ZNF646: variants seen among roughly 807,000 people sequenced by gnomAD.
The protein encoded by ZNF646 is zinc finger protein 646.
In ZNF646, 49 loss-of-function variants were observed where a neutral mutation model predicts 115.4. That is an observed-to-expected ratio of 0.42 (90% confidence interval 0.34 to 0.54). The LOEUF (loss-of-function observed/expected upper bound fraction) is 0.54, where lower values mean the gene tolerates loss of function less well. ZNF646 is among the 20% of genes least tolerant of loss of function. The pLI is 0.04. For synonymous variants in ZNF646, 933 were observed against 939.0 expected, an observed-to-expected ratio of 0.99 and a Z score of 0.12; for missense variants, 2,269 against 2,457.9, an observed-to-expected ratio of 0.92 and a Z score of 1.62.
Position 31,080,455 on chromosome 16 carries a change from A to G in ZNF646, c.4131A>G (p.Gly1377=), listed in dbSNP as rs752110233. The G allele has an allele frequency of 3.1e-6, 5 of 1,613,160 alleles. No individual in the cohort carries two copies. The highest frequency in any genetic ancestry group is 1.3e-5 in the African/African-American group (1 of 74,910). The part of the protein sequence containing the change: ...ALCGRSFPGR[G]SLERHLREHE... ...GTGGCCGCAGCTTCCCTGGCCGGGG[A>G]TCTTTGGAGCGGCACCTGCGGGAGC... The change falls in exon 2 of 3, where the codon GGA becomes GGG. Residue 1377 remains glycine (G), a synonymous_variant. Transcript: ENST00000300850.
rs139437413 is a variant in ZNF646, at chr16:31,076,398, G to A, written c.74G>A (p.Arg25Gln). Residue 25 changes from arginine to glutamine, a missense_variant, in exon 2 of 3, where the codon CGG becomes CAG. Arg to Gln is a conservative substitution (Grantham distance 43, BLOSUM62 1). This residue lies in a region of ZNF646 where 334 missense variants were observed against 323.5 expected (regional missense o/e 1.03). Coordinates refer to ENST00000300850, the MANE Select transcript of ZNF646 (RefSeq NM_014699.4). Reference protein sequence around the residue: ...RHFPSLPELSRHRELLHPSPN... With the variant: ...RHFPSLPELSQHRELLHPSPN... The stretch of plus-strand genomic sequence containing the variant: ...TTTCCCAGCCTCCCAGAGCTCTCTC[G>A]GCACCGAGAACTGCTCCATCCATCT... 1.2e-6 allele frequency: 2 copies of A among 1,613,868 alleles called. No homozygotes were observed. Among genetic ancestry groups the A allele is most frequent in the Admixed American group, 1.7e-5 (1 of 59,990 alleles).
rs552000135 is a variant in ZNF646 at position 31,074,508 on chromosome 16, C to T, written c.-203C>T. 1.0e-3 allele frequency: 158 copies of T among 152,604 alleles called. No homozygotes were observed. The highest frequency in any genetic ancestry group is 3.7e-3 in the African/African-American group (152 of 41,580). 9.5% of individuals were successfully genotyped at this position (152,604 alleles called of 1,614,324 possible). On this transcript the variant is annotated 5_prime_UTR_variant, in exon 1 of 3. Coordinates refer to ENST00000300850, the MANE Select transcript of ZNF646 (RefSeq NM_014699.4). ...CTCTTTTCTCTACCTCCTTCCTCTT[C>T]CCCCCTTCTCCTTTCCCTCTTTCCC...
chr16:31,079,683 G>T lies in ZNF646; in HGVS notation c.3359G>T (p.Ser1120Ile). The change falls in exon 2 of 3, where the codon AGC becomes ATC. Residue 1120 changes from serine to isoleucine, a missense_variant. Physicochemically the swap from Ser to Ile is moderately radical, Grantham distance 142 (BLOSUM62 -2). Coordinates refer to ENST00000300850, the MANE Select transcript of ZNF646 (RefSeq NM_014699.4). This position sits in a 1 kb window ranked among gnomAD's most constrained non-coding sequence, Gnocchi z 5.5. ...QVGPIPEAAG[S>I]SELQVGPIPE... ...GGGCCCATCCCAGAGGCAGCAGGTA[G>T]CAGTGAGCTGCAGGTTGGGCCCATC... is the stretch of plus-strand genomic sequence containing the variant. The T allele has an allele frequency of 6.2e-7, 1 of 1,613,532 alleles. No individual in the cohort carries two copies.
chr16:31,077,450 T>C lies in ZNF646; in HGVS notation c.1126T>C (p.Cys376Arg). Residue 376 changes from cysteine (C) to arginine (R), a missense_variant, in exon 2 of 3, where the codon TGT becomes CGT. Cys to Arg is a radical substitution (Grantham distance 180, BLOSUM62 -3). This residue lies in a region of ZNF646 where 852 missense variants were observed against 900.2 expected (regional missense o/e 0.95). Coordinates refer to ENST00000300850, the MANE Select transcript of ZNF646 (RefSeq NM_014699.4). The part of the protein sequence containing the change: ...SGLEEYRPFR[C>R]GDCGRTYRHA... Reference sequence around the variant, plus strand: ...CCTGGAGGAATACCGGCCTTTCCGCTGTGGGGACTGTGGCCGTACTTACCG... The same window carrying C: ...CCTGGAGGAATACCGGCCTTTCCGCCGTGGGGACTGTGGCCGTACTTACCG... 1 of 1,613,158 alleles carries C rather than the reference T, an allele frequency of 6.2e-7. No homozygotes were observed. Among genetic ancestry groups the C allele is most frequent in the Non-Finnish European group, 8.5e-7 (1 of 1,179,936 alleles).
Position 31,078,969 on chromosome 16 carries a change from T to G in ZNF646, c.2645T>G (p.Leu882Arg). 2 of 1,608,404 alleles carry G rather than the reference T, an allele frequency of 1.2e-6. No individual in the cohort carries two copies. The highest frequency in any genetic ancestry group is 1.7e-6 in the Non-Finnish European group (2 of 1,176,978). Residue 882 changes from leucine (L) to arginine (R), a missense_variant, in exon 2 of 3, where the codon CTC (leucine) becomes CGC (arginine). By Grantham distance (102) the Leu-to-Arg change is moderately radical (BLOSUM62 -2). This residue lies in a region of ZNF646 where 852 missense variants were observed against 900.2 expected (regional missense o/e 0.95). Coordinates refer to ENST00000300850, the MANE Select transcript of ZNF646 (RefSeq NM_014699.4). ...GAGGCGACCTCAGCACAGCCTTTCC[T>G]CTGCTGCCTCTGTGGCATGATCTTC... The part of the protein sequence containing the change: ...PGEATSAQPF[L>R]CCLCGMIFPG...
At position 31,080,608 on chromosome 16, in the gene ZNF646, C is replaced by T; in HGVS notation, c.4284C>T (p.His1428=). The T allele has an allele frequency of 6.2e-7, 1 of 1,614,186 alleles. No individual in the cohort carries two copies. Among genetic ancestry groups the T allele is most frequent in the South Asian group, 1.1e-5 (1 of 91,086 alleles). Residue 1428 remains histidine (H), a synonymous_variant, in exon 2 of 3, where the codon CAC becomes CAT. Coordinates refer to ENST00000300850, the MANE Select transcript of ZNF646 (RefSeq NM_014699.4). The part of the protein sequence containing the change: ...TQLGGAEPVP[H]LEDGVPRPGE... ...TGGGTGGTGCTGAGCCAGTACCCCA[C>T]TTGGAGGATGGAGTCCCAAGGCCAG...
In ZNF646 at chr16:31,083,859, T is replaced by TGCCCC; in HGVS notation, c.*767_*768insGCCCC. 1 of 1,590,054 alleles carries TGCCCC rather than the reference T, an allele frequency of 6.3e-7. No individual in the cohort carries two copies. Among genetic ancestry groups the TGCCCC allele is most frequent in the African/African-American group, 1.3e-5 (1 of 74,324 alleles). ...GTTGTCCTCATCCTCACGGCTTTGG[T>TGCCCC]CCCTCCCTCCCTCCCCATTCCTCGA... On this transcript the variant is annotated 3_prime_UTR_variant, in exon 3 of 3. Transcript: ENST00000300850.
chr16:31,079,725 A>G lies in ZNF646; in HGVS notation c.3401A>G (p.Asn1134Ser). 6.2e-7 allele frequency: 1 copy of G among 1,613,664 alleles called. No homozygotes were observed. The highest frequency in any genetic ancestry group is 2.2e-5 in the East Asian group (1 of 44,854). ...QVGPIPEGGSNKPQHMAEEGP... is the reference protein window; with the variant it reads ...QVGPIPEGGSSKPQHMAEEGP... ...GGGCCCATCCCAGAAGGAGGCAGCA[A>G]CAAGCCCCAGCACATGGCAGAGGAG... Residue 1134 changes from asparagine to serine, a missense_variant, in exon 2 of 3, where the codon AAC (asparagine) becomes AGC (serine). Physicochemically the swap from Asn to Ser is conservative, Grantham distance 46. Around this residue, in one of 5 missense-constraint regions of ZNF646, gnomAD observed 1,062 missense variants for 1,172.8 expected, o/e 0.91. Transcript: ENST00000300850. This position sits in a 1 kb window ranked among gnomAD's most constrained non-coding sequence, Gnocchi z 5.5.
chr16:31,073,446 C>A (rs1244364245), upstream of ZNF646: 2 of 152,214 alleles, frequency 1.3e-5, no homozygotes, highest in Admixed American at 1.3e-4. Context: ...CCTGGGTGTC[C>A]GCAGCCCAGA....
rs755979778 is a variant in ZNF646, at chr16:31,078,416, G to C, written c.2092G>C (p.Glu698Gln). The C allele has an allele frequency of 6.2e-7, 1 of 1,608,572 alleles. No homozygotes were observed. Among genetic ancestry groups the C allele is most frequent in the South Asian group, 1.1e-5 (1 of 90,562 alleles). Residue 698 changes from glutamate to glutamine, a missense_variant, in exon 2 of 3, where the codon GAG becomes CAG. Glu to Gln is a conservative substitution (Grantham distance 29). Coordinates refer to ENST00000300850, the MANE Select transcript of ZNF646 (RefSeq NM_014699.4). ...KLLAAESWTR[E>Q]LEDNEGLESP... ...CCTGGCAGCGGAGAGCTGGACCCGG[G>C]AGCTAGAAGACAATGAAGGCCTGGA...
rs2057121454 is a variant in ZNF646, at chr16:31,079,191, A to G, written c.2867A>G (p.Tyr956Cys). The change falls in exon 2 of 3, where the codon TAT (tyrosine) becomes TGT (cysteine). Residue 956 changes from tyrosine to cysteine, a missense_variant. By Grantham distance (194) the Tyr-to-Cys change is radical. This residue lies in a region of ZNF646 where 2 missense variants were observed against 16.5 expected (regional missense o/e 0.12). Transcript: ENST00000300850. The surrounding 1 kb of genome is among the most constrained non-coding windows in gnomAD (Gnocchi z 5.5). ...REVEALDSAG[Y>C]GHICGCCGQT... ...GTGGAAGCGCTGGACAGTGCAGGGTATGGGCACATCTGTGGCTGCTGTGGT... is the reference window on the plus strand; with the variant it reads ...GTGGAAGCGCTGGACAGTGCAGGGTGTGGGCACATCTGTGGCTGCTGTGGT... The G allele has an allele frequency of 6.2e-7, 1 of 1,613,566 alleles. No homozygotes were observed.
chr16:31,081,107 G>T lies in ZNF646; in HGVS notation c.4783G>T (p.Glu1595Ter), dbSNP rs2057152416. ...CTGTCCTGACTGTGGCAAAGCCTTT[G>T]AGTCCCACCAGGAACTGGCCAGCCA... is the stretch of plus-strand genomic sequence containing the variant. ...FACPDCGKAF[E>*]SHQELASHLQ... is the part of the protein sequence containing the mutation. Residue 1595 changes from glutamate to a stop codon, truncating the protein, a stop_gained, in exon 2 of 3, where the codon GAG (glutamate) becomes TAG (stop). Transcript: ENST00000300850. LOFTEE classifies it high-confidence loss of function. The T allele has an allele frequency of 6.2e-7, 1 of 1,612,518 alleles. No homozygotes were observed. The highest frequency in any genetic ancestry group is 1.7e-5 in the Admixed American group (1 of 59,928).
rs2057197067 is a variant in ZNF646, at chr16:31,083,867, T to TCCCC, written c.*778_*779insCCCC. On this transcript the variant is annotated 3_prime_UTR_variant, in exon 3 of 3. Transcript: ENST00000300850. Reference sequence around the variant, plus strand: ...CATCCTCACGGCTTTGGTCCCTCCCTCCCTCCCCATTCCTCGAAGGAACAG... The same window carrying TCCCC: ...CATCCTCACGGCTTTGGTCCCTCCCTCCCCCCCTCCCCATTCCTCGAAGGAACAG... The TCCCC allele has an allele frequency of 7.6e-7, 1 of 1,323,428 alleles. No individual in the cohort carries two copies. The highest frequency in any genetic ancestry group is 1.4e-5 in the African/African-American group (1 of 70,798). The allele number at this position is 1,323,428 out of a possible 1,614,324, so 82.0% of individuals were successfully genotyped here.
In ZNF646 at chr16:31,083,140, G is replaced by A. The variant is rs760734060; in HGVS notation, c.*48G>A. 1 of 1,578,206 alleles carries A rather than the reference G, an allele frequency of 6.3e-7. No homozygotes were observed. Among genetic ancestry groups the A allele is most frequent in the Non-Finnish European group, 8.6e-7 (1 of 1,166,382 alleles). ...AATCTGGGGGAGGGAGCGCGTGCAGGGAGGGGCTTGATCTCCACATTTTCT... is the reference window on the plus strand; with the variant it reads ...AATCTGGGGGAGGGAGCGCGTGCAGAGAGGGGCTTGATCTCCACATTTTCT... On this transcript the variant is annotated 3_prime_UTR_variant, in exon 3 of 3. Transcript: ENST00000300850.
Position 31,078,161 on chromosome 16 carries a change from C to CTAGG in ZNF646, c.1837_1838insTAGG (p.Pro613LeufsTer4). On this transcript the variant is annotated frameshift_variant, in exon 2 of 3. Transcript: ENST00000300850. LOFTEE classifies it high-confidence loss of function. Reference sequence around the variant, plus strand: ...TAGCAGAACAGAGACCACAATGTCACCTCCTAGGGCCTTTGCCTGCCGAGA... The same window carrying CTAGG: ...TAGCAGAACAGAGACCACAATGTCACTAGGCTCCTAGGGCCTTTGCCTGCCGAGA... 6.2e-7 allele frequency: 1 copy of CTAGG among 1,614,056 alleles called. No homozygotes were observed.
At chr16:31,073,450 G>A (rs576364458), upstream of ZNF646, 14 of 152,310 alleles carry the variant, frequency 9.2e-5, no homozygotes, top group East Asian at 2.7e-3. Context: ...GGTGTCCGCA[G>A]CCCAGAACCG....
In ZNF646 at chr16:31,074,622, T is replaced by C. The variant is rs1415891491; in HGVS notation, c.-89T>C. 1 of 152,216 alleles carries C rather than the reference T, an allele frequency of 6.6e-6. No individual in the cohort carries two copies. Among genetic ancestry groups the C allele is most frequent in the Non-Finnish European group, 1.5e-5 (1 of 68,056 alleles). 9.4% of individuals were successfully genotyped at this position (152,216 alleles called of 1,614,324 possible). A position where few individuals can be genotyped will look rare whatever the true frequency, so the allele number is the denominator to read the frequency against. ...ACAGCCACCCCTTGGGGCGCGCGGC[T>C]GCAGTTAGGGTAAGGGTCCCAGTGC... On this transcript the variant is annotated 5_prime_UTR_variant, in exon 1 of 3. Coordinates refer to ENST00000300850, the MANE Select transcript of ZNF646 (RefSeq NM_014699.4).
In ZNF646 at chr16:31,079,897, G is replaced by A; in HGVS notation, c.3573G>A (p.Lys1191=). The change falls in exon 2 of 3, where the codon AAG becomes AAA. Residue 1191 remains lysine (K), a synonymous_variant. Coordinates refer to ENST00000300850, the MANE Select transcript of ZNF646 (RefSeq NM_014699.4). The surrounding 1 kb of genome is among the most constrained non-coding windows in gnomAD (Gnocchi z 5.5). ...AGCCCAGGCTGGAGACTGCCGAGAA[G>A]GGCTGCCAGACTGAAGCCAGCTCTG... ...EIEPRLETAE[K]GCQTEASSER... 1 of 1,611,942 alleles carries A rather than the reference G, an allele frequency of 6.2e-7. No homozygotes were observed.
chr16:31,076,836 G>A lies in ZNF646; in HGVS notation c.512G>A (p.Arg171Lys). The A allele has an allele frequency of 1.2e-6, 2 of 1,614,156 alleles. No individual in the cohort carries two copies. The highest frequency in any genetic ancestry group is 1.7e-6 in the Non-Finnish European group (2 of 1,180,042). The change falls in exon 2 of 3, where the codon AGA (arginine) becomes AAA (lysine). Residue 171 changes from arginine to lysine, a missense_variant. Physicochemically the swap from Arg to Lys is conservative, Grantham distance 26. Coordinates refer to ENST00000300850, the MANE Select transcript of ZNF646 (RefSeq NM_014699.4). ...GTWEDLPTRQ[R>K]EGLASHPGPE... is the part of the protein sequence containing the mutation. ...TGGGAAGATCTGCCCACCAGACAAA[G>A]AGAAGGCTTGGCAAGCCACCCAGGT...
Sources: allele counts gnomAD v4.1 joint callset, GRCh38; gene constraint gnomAD v4.1.1; regional missense constraint gnomAD v4.1.1; non-coding constraint Gnocchi (gnomAD v3.1); transcripts MANE v1.5; gene names NCBI Gene and HGNC (gene_info 2026-07-23, HGNC 2026-07-21).